TEC: variants seen among roughly 807,000 people sequenced by gnomAD.
TEC encodes the protein tec protein tyrosine kinase.
Under a neutral mutation model 93.0 loss-of-function variants are expected in TEC, and 72 were observed. The observed-to-expected ratio is 0.77, with a 90% CI of 0.64 to 0.94. The LOEUF (loss-of-function observed/expected upper bound fraction) is 0.94, where lower values mean the gene tolerates loss of function less well. Ranked by LOEUF, TEC falls within the 40% of genes least tolerant of loss-of-function variation. The pLI, the probability that TEC is intolerant of heterozygous loss-of-function variation, is 0.00. For synonymous variants in TEC, 249 were observed against 247.7 expected (o/e 1.01, Z -0.05); for missense variants, 630 against 757.9 (o/e 0.83, Z 1.98).
At chr4:48,184,486 C>T (rs1347687261) in intron 2 of TEC, among the ~76,000 whole-genome samples, 2 of 152,164 alleles carry the variant, frequency 1.3e-5, no homozygotes, top group Non-Finnish European at 2.9e-5. Context: ...AATTGAATCT[C>T]TCCGTAAGTA....
intron 9 of TEC, among the ~76,000 whole-genome samples, chr4:48,153,024 G>T (rs538212471): frequency 6.6e-6 from 1 of 152,240 alleles, no homozygotes; most frequent in Admixed American, 6.5e-5. Context: ...AAAAGTCACA[G>T]GTAGACCCAG....
chr4:48,257,582 G>A (rs1254766556), intron 1 of TEC, among the ~76,000 whole-genome samples: 2 of 152,154 alleles, frequency 1.3e-5, no homozygotes, highest in South Asian at 2.1e-4. Context: ...TCTGTAAAAT[G>A]CTGAAAGTAA....
intron 2 of TEC, among the ~76,000 whole-genome samples, chr4:48,208,118 A>AGAG (rs1363188300): frequency 6.6e-6 from 1 of 152,188 alleles, no homozygotes; most frequent in Non-Finnish European, 1.5e-5. Flanking sequence ...AAGTCTGAGC[A>AGAG]GAGGGTGGGA....
intron 2 of TEC, among the ~76,000 whole-genome samples, chr4:48,186,098 A>G (rs1008373017): frequency 6.6e-6 from 1 of 152,178 alleles, no homozygotes; most frequent in African/African-American, 2.4e-5. Context: ...ACCGTGAGTG[A>G]TCTGCCTGCC....
intron 1 of TEC, among the ~76,000 whole-genome samples, chr4:48,233,978 G>T (rs1723711571): frequency 6.6e-6 from 1 of 152,118 alleles, no homozygotes; most frequent in Non-Finnish European, 1.5e-5. Context: ...CAAACTGAAG[G>T]TTATTTTCAG....
At position 48,138,958 on chromosome 4, in the gene TEC, G is replaced by A; in HGVS notation, c.1600C>T (p.Pro534Ser). The A allele has an allele frequency of 6.2e-7, 1 of 1,614,168 alleles. No homozygotes were observed. The highest frequency in any genetic ancestry group is 8.5e-7 in the Non-Finnish European group (1 of 1,180,034). The change falls in exon 16 of 18, where the codon CCT becomes TCT. Residue 534 changes from proline to serine, a missense_variant. Physicochemically the swap from Pro to Ser is moderately conservative, Grantham distance 74 (BLOSUM62 -1). Around this residue, in one of 3 missense-constraint regions of TEC, gnomAD observed 289 missense variants for 390.0 expected, o/e 0.74. Coordinates refer to ENST00000381501, the MANE Select transcript of TEC (RefSeq NM_003215.3). ...GAKFPVKWCPPEVFNYSRFSS... is the reference protein window; with the variant it reads ...GAKFPVKWCPSEVFNYSRFSS... Reference sequence around the variant, plus strand: ...AAGCGGCTGTAATTAAACACTTCAGGTGGACACCACTTCACAGGAAACTTA... The same window carrying A: ...AAGCGGCTGTAATTAAACACTTCAGATGGACACCACTTCACAGGAAACTTA...
intron 14 of TEC, among the ~76,000 whole-genome samples, chr4:48,143,076 T>C (rs991599264): frequency 5.3e-5 from 8 of 152,254 alleles, no homozygotes; most frequent in African/African-American, 1.9e-4. Flanking sequence ...ATTCCACTCA[T>C]ATGAGGTTCC....
chr4:48,218,633 T>C (rs1212671294), intron 2 of TEC, among the ~76,000 whole-genome samples: 2 of 152,208 alleles, frequency 1.3e-5, no homozygotes, highest in Admixed American at 1.3e-4. Flanking sequence ...AGTTTCCACT[T>C]GGGGAACCAC....
In TEC at chr4:48,141,460, C is replaced by A. The variant is rs375562964; in HGVS notation, c.1471-41G>T. On this transcript the variant is annotated intron_variant, in intron 14 of 17. Transcript: ENST00000381501. ...ATGATGGTATATTAGTTTAAAAATT[C>A]TATCATTTAAGTAGGAAAATGTAAG... 2.3e-4 allele frequency: 356 copies of A among 1,581,656 alleles called. 1 individual carries two copies. Among genetic ancestry groups the A allele is most frequent in the Non-Finnish European group, 1.5e-4 (174 of 1,153,236 alleles).
chr4:48,165,450 C>A (rs1181531354), intron 7 of TEC, among the ~76,000 whole-genome samples: 1 of 152,114 alleles, frequency 6.6e-6, no homozygotes, highest in African/African-American at 2.4e-5. Context: ...CATTTTGTAA[C>A]CCCTAATGAA....
intron 9 of TEC, 136 bp from the exon 10 acceptor site, chr4:48,151,078 A>G: frequency 3.7e-6 from 2 of 544,746 alleles, no homozygotes; most frequent in East Asian, 3.1e-5. Context: ...AAGAAGCACA[A>G]CTTACCAGTA....
intron 1 of TEC, among the ~76,000 whole-genome samples, chr4:48,259,756 A>C (rs1487753635): frequency 2.0e-5 from 3 of 151,998 alleles, no homozygotes; most frequent in Non-Finnish European, 4.4e-5. Context: ...GAAAAATCTG[A>C]ACAGGAGCTC....
At chr4:48,247,306 C>G (rs1324302806) in intron 1 of TEC, among the ~76,000 whole-genome samples, 2 of 152,190 alleles carry the variant, frequency 1.3e-5, no homozygotes, top group East Asian at 3.8e-4. Flanking sequence ...TAAAATGGTA[C>G]AGGCACTGTG....
rs144257972 is a variant in TEC, at chr4:48,142,095, C to T, written c.1471-676G>A. ...CTTAATCCGGTTCTCACTAGGTGAG[C>T]TTAATAACACACAACCATCAAAATG... is the stretch of plus-strand genomic sequence containing the variant. On this transcript the variant is annotated intron_variant, in intron 14 of 17. Transcript: ENST00000381501. Among the ~76,000 whole-genome samples the T allele has an allele frequency of 1.6e-3, 248 of 152,302 alleles. 1 individual carries two copies. Among genetic ancestry groups the T allele is most frequent in the Admixed American group, 4.4e-3 (68 of 15,302 alleles).
In TEC at chr4:48,174,711, C is replaced by T. The variant is rs1721252515; in HGVS notation, c.243+1371G>A. On this transcript the variant is annotated intron_variant, in intron 3 of 17. Coordinates refer to ENST00000381501, the MANE Select transcript of TEC (RefSeq NM_003215.3). ...TAGGAATGGTTCTCTGCTAAATTTC[C>T]ATTATATATGCATTAAACATACTTA... 2.6e-5 allele frequency among the ~76,000 whole-genome samples: 4 copies of T among 151,616 alleles called. No homozygotes were observed. In the South Asian group the frequency reaches 8.3e-4, roughly 32 times the overall value.
chr4:48,269,492 T>C (rs990566254), intron 1 of TEC, among the ~76,000 whole-genome samples: 10 of 152,010 alleles, frequency 6.6e-5, no homozygotes, highest in Admixed American at 6.5e-4. Context: ...AGTGCGGGAG[T>C]TGGAGAAGTG....
intron 1 of TEC, among the ~76,000 whole-genome samples, chr4:48,248,510 CG>C (rs762466547): frequency 1.1e-3 from 160 of 152,254 alleles, no homozygotes; most frequent in Middle Eastern, 3.4e-3. Flanking sequence ...AGCGTCAGTA[CG>C]GGAGGTGACT....
At chr4:48,238,358 T>A (rs1723838383) in intron 1 of TEC, among the ~76,000 whole-genome samples, 1 of 152,238 alleles carries the variant, frequency 6.6e-6, no homozygotes, top group African/African-American at 2.4e-5. Context: ...AGTATTCATC[T>A]GCTAACCTGT....
At chr4:48,251,890 T>C (rs755899460) in intron 1 of TEC, among the ~76,000 whole-genome samples, 39 of 151,994 alleles carry the variant, frequency 2.6e-4, no homozygotes, top group Non-Finnish European at 4.0e-4. Context: ...TAGAAGCAAA[T>C]ATTGGATGAA....
Sources: allele counts gnomAD v4.1 joint callset (sites outside exome capture counted in the v4.1 genomes callset), GRCh38; gene constraint gnomAD v4.1.1; regional missense constraint gnomAD v4.1.1; transcripts MANE v1.5; gene names NCBI Gene and HGNC (gene_info 2026-07-23, HGNC 2026-07-21).